The following CCBE1 variants were observed in gnomAD, a reference collection of about 807,000 sequenced individuals.
CCBE1 encodes collagen and calcium-binding EGF domain-containing protein 1.
Under a neutral mutation model 50.0 loss-of-function variants are expected in CCBE1, and 37 were observed. The ratio of observed to expected loss-of-function variants is 0.74; its 90% confidence interval spans 0.57 to 0.97. The LOEUF is 0.97. Ranked by LOEUF, CCBE1 falls within the 50% of genes least tolerant of loss-of-function variation. The pLI is 0.00. For missense variants in CCBE1, 538 were observed against 523.8 expected, an observed-to-expected ratio of 1.03 and a Z score of -0.26; for synonymous variants, 234 against 203.7, an observed-to-expected ratio of 1.15 and a Z score of -1.27.
intron 2 of CCBE1, among the ~76,000 whole-genome samples, chr18:59,538,479 G>T (rs1409861026): frequency 6.6e-6 from 1 of 152,174 alleles, no homozygotes; most frequent in Non-Finnish European, 1.5e-5. Context: ...TGTCCATAGA[G>T]CATACATATT....
At chr18:59,674,551 T>G (rs2144716633) in intron 2 of CCBE1, among the ~76,000 whole-genome samples, 1 of 152,232 alleles carries the variant, frequency 6.6e-6, no homozygotes, top group East Asian at 1.9e-4. Context: ...CAAACCACCA[T>G]GGCACGTATA....
At chr18:59,673,463 A>G (rs1248851116) in intron 2 of CCBE1, among the ~76,000 whole-genome samples, 1 of 152,178 alleles carries the variant, frequency 6.6e-6, no homozygotes, top group Admixed American at 6.5e-5. Context: ...AAAATAAACA[A>G]AAATGGTTTG....
At chr18:59,547,086 A>AAAGAGGGG in intron 2 of CCBE1, among the ~76,000 whole-genome samples, 1 of 110,308 alleles carries the variant, frequency 9.1e-6, no homozygotes, top group Non-Finnish European at 1.8e-5. Context: ...AGAGAAAGGG[A>AAAGAGGGG]GAGAGAGGGA....
chr18:59,524,358 A>G (rs1914730300), intron 2 of CCBE1, among the ~76,000 whole-genome samples: 1 of 152,186 alleles, frequency 6.6e-6, no homozygotes, highest in Non-Finnish European at 1.5e-5. Flanking sequence ...CCTATTATTC[A>G]AAAGACTATT....
chr18:59,501,405 G>A (rs1451180464), intron 2 of CCBE1, among the ~76,000 whole-genome samples: 2 of 152,228 alleles, frequency 1.3e-5, no homozygotes, highest in African/African-American at 4.8e-5. Context: ...GATCAGGACT[G>A]TGGGGCAGTT....
chr18:59,695,996 G>C (rs1219106691), intron 2 of CCBE1, among the ~76,000 whole-genome samples: 1 of 152,164 alleles, frequency 6.6e-6, no homozygotes, highest in African/African-American at 2.4e-5. Context: ...ACCACCTGGG[G>C]AACATTTTAT....
At position 59,696,524 on chromosome 18, in the gene CCBE1, C is replaced by T. The variant is rs1174268536; in HGVS notation, c.212+105G>A. On this transcript the variant is annotated intron_variant, in intron 2 of 10. Coordinates refer to ENST00000439986, the MANE Select transcript of CCBE1 (RefSeq NM_133459.4). Reference sequence around the variant, plus strand: ...CACCCAGCAGGTTCCAGCGTAAAAGCTGCTCCGGTCCCAAGCGCGTCTCCA... The same window carrying T: ...CACCCAGCAGGTTCCAGCGTAAAAGTTGCTCCGGTCCCAAGCGCGTCTCCA... 10 of 1,581,824 alleles carry T rather than the reference C, an allele frequency of 6.3e-6. 1 individual carries two copies. The highest frequency in any genetic ancestry group is 5.4e-5 in the African/African-American group (4 of 74,622).
At chr18:59,591,516 G>A (rs1427895963) in intron 2 of CCBE1, among the ~76,000 whole-genome samples, 2 of 151,912 alleles carry the variant, frequency 1.3e-5, no homozygotes, top group Non-Finnish European at 2.9e-5. Flanking sequence ...ACAACTGGAG[G>A]GACTCCAAAA....
chr18:59,669,122 C>T lies in CCBE1; in HGVS notation c.212+27507G>A, dbSNP rs547069272. On this transcript the variant is annotated intron_variant, in intron 2 of 10. Transcript: ENST00000439986. ...AAGTGCTGGGATTACAGACATAAGC[C>T]ACCTTGCCCGGCCAACATAAGTCAC... Among the ~76,000 whole-genome samples the T allele has an allele frequency of 4.6e-5, 7 of 152,246 alleles. No individual in the cohort carries two copies. In the South Asian group the frequency reaches 1.5e-3, roughly 32 times the overall value.
intron 2 of CCBE1, among the ~76,000 whole-genome samples, chr18:59,495,742 G>T (rs796868895): frequency 4.3e-4 from 65 of 152,114 alleles, no homozygotes; most frequent in African/African-American, 1.4e-3. Context: ...TGTGCCTTTA[G>T]ATGTGGCACG....
At chr18:59,681,795 G>T (rs2054591814) in intron 2 of CCBE1, among the ~76,000 whole-genome samples, 2 of 152,202 alleles carry the variant, frequency 1.3e-5, no homozygotes, top group Non-Finnish European at 2.9e-5. Context: ...TGCAAAGATG[G>T]CTATCATGTT....
At chr18:59,452,574 C>A (rs1254044116) in intron 6 of CCBE1, among the ~76,000 whole-genome samples, 2 of 152,154 alleles carry the variant, frequency 1.3e-5, no homozygotes, top group Non-Finnish European at 2.9e-5. Context: ...GCCTGGGCGA[C>A]AGAGCGAGAC....
At chr18:59,653,846 C>A (rs1447719185) in intron 2 of CCBE1, among the ~76,000 whole-genome samples, 1 of 152,132 alleles carries the variant, frequency 6.6e-6, no homozygotes, top group Admixed American at 6.5e-5. Flanking sequence ...AGTAGGAAAT[C>A]GTATCAGAGA....
Position 59,469,665 on chromosome 18 carries a change from C to A in CCBE1, c.266-58G>T. ...ACAGGAGGAGGCGGAGTAACCTGGC[C>A]CTGGCCTGGAAAGGACTTTCTGGGC... is the stretch of plus-strand genomic sequence containing the variant. On this transcript the variant is annotated intron_variant, in intron 3 of 10. Transcript: ENST00000439986. 4 of 1,611,358 alleles carry A rather than the reference C, an allele frequency of 2.5e-6. No individual in the cohort carries two copies. The South Asian group carries it at 4.4e-5, about 18-fold the overall frequency.
chr18:59,583,654 CGTGTGTGTGT>C (rs752150539), intron 2 of CCBE1, among the ~76,000 whole-genome samples: 11 of 142,106 alleles, frequency 7.7e-5, no homozygotes, highest in African/African-American at 2.1e-4. Context: ...CACTGCTTTG[CGTGTGTGTGT>C]GTGTGTGTGT....
At chr18:59,507,115 A>C (rs959081621) in intron 2 of CCBE1, among the ~76,000 whole-genome samples, 1 of 152,166 alleles carries the variant, frequency 6.6e-6, no homozygotes, top group African/African-American at 2.4e-5. Context: ...ATTCACCAAG[A>C]TACCTCACAC....
chr18:59,660,662 A>T (rs1303795547), intron 2 of CCBE1, among the ~76,000 whole-genome samples: 1 of 152,210 alleles, frequency 6.6e-6, no homozygotes, highest in Non-Finnish European at 1.5e-5. Context: ...ATTTATAGAC[A>T]GTACTGCCCA....
In CCBE1 at chr18:59,682,435, T is replaced by G. The variant is rs562263963; in HGVS notation, c.212+14194A>C. ...GTTATATTAGATCTTCTGATTCATT[T>G]TGATAAAACTTAAGATGCTAATTTC... is the stretch of plus-strand genomic sequence containing the variant. On this transcript the variant is annotated intron_variant, in intron 2 of 10. Transcript: ENST00000439986. Among the ~76,000 whole-genome samples the G allele has an allele frequency of 3.9e-5, 6 of 152,342 alleles. No individual in the cohort carries two copies. In the East Asian group the frequency reaches 1.2e-3, roughly 29 times the overall value.
chr18:59,475,298 A>G (rs1912253321), intron 3 of CCBE1, among the ~76,000 whole-genome samples: 1 of 152,228 alleles, frequency 6.6e-6, no homozygotes, highest in Non-Finnish European at 1.5e-5. Flanking sequence ...TTCCCAAAGC[A>G]TAGCACTGTG....
Sources: allele counts gnomAD v4.1 joint callset (sites outside exome capture counted in the v4.1 genomes callset), GRCh38; gene constraint gnomAD v4.1.1; transcripts MANE v1.5; gene names NCBI Gene and HGNC (gene_info 2026-07-23, HGNC 2026-07-21).